The following DNAH9 variants were observed in gnomAD, a reference collection of about 807,000 sequenced individuals.
DNAH9 encodes the protein dynein axonemal heavy chain 9, also known as DNAH9 variant protein.
A neutral mutation model predicts 471.6 loss-of-function variants in DNAH9; 345 were observed. The ratio of observed to expected loss-of-function variants is 0.73; its 90% CI spans 0.67 to 0.80. The LOEUF is 0.80. Among genes scored for constraint, DNAH9 ranks in the 30% least tolerant of loss-of-function variants. The probability of loss-of-function intolerance (pLI) is 0.00; values close to 1 mark genes in which losing one functional copy is unlikely to be tolerated. For synonymous variants in DNAH9, 2,093 were observed against 2,123.6 expected (o/e 0.99, Z 0.40); for missense variants, 5,407 against 5,609.2 (o/e 0.96, Z 1.15).
At chr17:11,950,524 C>T (rs1395690816) in intron 67 of DNAH9, among the ~76,000 whole-genome samples, 1 of 152,094 alleles carries the variant, frequency 6.6e-6, no homozygotes, top group Non-Finnish European at 1.5e-5. Context: ...CACAACCACA[C>T]CCGACTAACT....
intron 52 of DNAH9, 33 bp from the exon 53 acceptor site, chr17:11,874,916 T>C: frequency 6.6e-7 from 1 of 1,512,494 alleles, no homozygotes; most frequent in Non-Finnish European, 9.2e-7. Context: ...CTGCTTCTGT[T>C]CTGAGCGTGG....
chr17:11,854,607 A>G (rs974903688), intron 50 of DNAH9, among the ~76,000 whole-genome samples, 179 bp downstream of exon 50: 23 of 152,364 alleles, frequency 1.5e-4, no homozygotes, highest in African/African-American at 5.5e-4. Flanking sequence ...CAAACACTGT[A>G]TAGGCCAAAC....
chr17:11,723,336 G>A (rs1156326924), intron 27 of DNAH9: 1 of 152,152 alleles, frequency 6.6e-6, no homozygotes, highest in Non-Finnish European at 1.5e-5. Flanking sequence ...ACCTCTAATC[G>A]GTCACCAGTG....
chr17:11,835,457 C>G (rs117285036), intron 49 of DNAH9, among the ~76,000 whole-genome samples: 1,836 of 152,272 alleles, frequency 0.012, 15 homozygotes, highest in Non-Finnish European at 0.017. Flanking sequence ...AACTGTATGT[C>G]AACTAAATTA....
intron 6 of DNAH9, among the ~76,000 whole-genome samples, chr17:11,625,049 T>C (rs1441859907): frequency 6.7e-6 from 1 of 149,210 alleles, no homozygotes; most frequent in Non-Finnish European, 1.5e-5. Flanking sequence ...CCTTCTTTCA[T>C]CCTGCCTTCC....
chr17:11,784,243 G>A (rs770650092), intron 40 of DNAH9, 57 bp from the exon 41 acceptor site: 45 of 1,598,536 alleles, frequency 2.8e-5, no homozygotes, highest in Admixed American at 1.7e-4. Flanking sequence ...ATTCAGAAGC[G>A]GTGATTTCTA....
intron 62 of DNAH9, among the ~76,000 whole-genome samples, chr17:11,927,082 C>G (rs912818743): frequency 6.6e-6 from 1 of 151,928 alleles, no homozygotes; most frequent in Admixed American, 6.6e-5. Flanking sequence ...AGTTCATGTT[C>G]TTTGCCCATT....
chr17:11,753,592 G>A (rs965923725), intron 33 of DNAH9, among the ~76,000 whole-genome samples: 5 of 152,110 alleles, frequency 3.3e-5, no homozygotes, highest in Non-Finnish European at 5.9e-5. Context: ...GCTTGAACCC[G>A]GAGGCAGAGG....
chr17:11,810,200 A>T (rs1056844581), intron 44 of DNAH9, 46 bp from the exon 45 acceptor site: 3 of 1,577,162 alleles, frequency 1.9e-6, no homozygotes, highest in Non-Finnish European at 8.6e-7. Context: ...TTCTCTTTCA[A>T]GGAGGCCTTC....
chr17:11,665,012 C>T (rs755897326), intron 15 of DNAH9, 44 bp downstream of exon 15: 2 of 1,556,496 alleles, frequency 1.3e-6, no homozygotes, highest in South Asian at 2.3e-5. Context: ...GGAAAGATAA[C>T]AACAGTAACA....
chr17:11,875,972 T>C (rs1972461992), intron 53 of DNAH9: 1 of 151,926 alleles, frequency 6.6e-6, no homozygotes, highest in East Asian at 1.9e-4. Flanking sequence ...GTGTTAGAGG[T>C]TTTATCTCAA....
intron 49 of DNAH9, 85 bp from the exon 50 acceptor site, chr17:11,853,918 T>C (rs1187153354): frequency 1.5e-6 from 2 of 1,332,350 alleles, no homozygotes; most frequent in East Asian, 2.3e-5. Flanking sequence ...TTCAAACCGA[T>C]CGCTCCACAA....
intron 50 of DNAH9, among the ~76,000 whole-genome samples, chr17:11,863,203 CT>C (rs1197664661): frequency 1.2e-4 from 19 of 152,246 alleles, no homozygotes; most frequent in African/African-American, 3.6e-4. Context: ...CCATCAATAC[CT>C]AATTTATTGA....
chr17:11,779,898 C>T (rs1049280068), intron 38 of DNAH9, among the ~76,000 whole-genome samples: 1 of 152,170 alleles, frequency 6.6e-6, no homozygotes, highest in African/African-American at 2.4e-5. Context: ...AATATTCGAG[C>T]TTCTTGAAGG....
chr17:11,931,941 T>G, intron 63 of DNAH9, 73 bp from the exon 64 acceptor site: 1 of 1,539,774 alleles, frequency 6.5e-7, no homozygotes, highest in Non-Finnish European at 8.9e-7. Flanking sequence ...GAACCCTGAT[T>G]GTAACCTCAC....
chr17:11,674,904 T>C (rs2074026524), intron 17 of DNAH9, among the ~76,000 whole-genome samples: 1 of 152,194 alleles, frequency 6.6e-6, no homozygotes, highest in Non-Finnish European at 1.5e-5. Context: ...TCTCTATATC[T>C]GGCAGGGCAG....
chr17:11,862,108 G>A (rs1461507091), intron 50 of DNAH9, among the ~76,000 whole-genome samples: 1 of 123,722 alleles, frequency 8.1e-6, no homozygotes, highest in African/African-American at 2.9e-5. Flanking sequence ...TGCCTGTCCT[G>A]AATGGTAATG....
At chr17:11,895,980 C>T (rs1318916679) in intron 59 of DNAH9, among the ~76,000 whole-genome samples, 1 of 152,214 alleles carries the variant, frequency 6.6e-6, no homozygotes, top group African/African-American at 2.4e-5. Flanking sequence ...TTTCTAACTT[C>T]TTTTTCAGAG....
intron 8 of DNAH9, among the ~76,000 whole-genome samples, chr17:11,633,619 A>C (rs935382971): frequency 1.3e-5 from 2 of 152,194 alleles, no homozygotes; most frequent in Admixed American, 6.5e-5. Context: ...AAGCCTTTTG[A>C]GATTCCCCTC....
Sources: gnomAD v4.1 joint callset for allele counts (sites outside exome capture counted in the v4.1 genomes callset) on GRCh38, gnomAD v4.1.1 for gene constraint, MANE v1.5 for transcripts, NCBI Gene and HGNC (gene_info 2026-07-23, HGNC 2026-07-21) for gene names.